The following AUTS2 variants were observed in gnomAD, a reference collection of about 807,000 sequenced individuals.
AUTS2 encodes autism susceptibility gene 2 protein.
AUTS2 carries 17 observed loss-of-function variants against 112.4 expected under a neutral mutation model. The observed-to-expected ratio is 0.15, with a 90% CI of 0.10 to 0.23. The LOEUF is 0.23. Among genes scored for constraint, AUTS2 ranks in the 10% least tolerant of loss-of-function variants. The probability of loss-of-function intolerance (pLI) is 1.00; values close to 1 mark genes in which losing one functional copy is unlikely to be tolerated. For missense variants in AUTS2, 1,510 were observed against 1,701.6 expected (o/e 0.89, Z 1.98); for synonymous variants, 751 against 702.7 (o/e 1.07, Z -1.09).
chr7:70,303,434 G>GCGCGCACACA (rs1241517255), intron 4 of AUTS2, among the ~76,000 whole-genome samples: 189 of 142,042 alleles, frequency 1.3e-3, no homozygotes, highest in Middle Eastern at 7.2e-3. Context: ...GCGCGCGCGC[G>GCGCGCACACA]CACATACACA....
At chr7:70,267,924 C>T (rs531155539) in intron 4 of AUTS2, among the ~76,000 whole-genome samples, 3 of 152,292 alleles carry the variant, frequency 2.0e-5, no homozygotes, top group South Asian at 4.1e-4. Context: ...TGCTTAAACC[C>T]AGACTTATTG....
At chr7:70,486,588 AAAAAC>A (rs1410595919) in intron 5 of AUTS2, among the ~76,000 whole-genome samples, 3 of 152,018 alleles carry the variant, frequency 2.0e-5, no homozygotes, top group Admixed American at 6.6e-5. Context: ...AACAAAAAAC[AAAAAC>A]AAAACAAAAC....
rs188388682 is a variant in AUTS2, at chr7:69,680,239, A to G, written c.309+80277A>G. 8.5e-5 allele frequency among the ~76,000 whole-genome samples: 13 copies of G among 152,350 alleles called. 1 individual carries two copies. The Middle Eastern group carries it at 0.01, about 120-fold the overall frequency. On this transcript the variant is annotated intron_variant, in intron 1 of 18. Transcript: ENST00000342771. ...TTGATTCATTTATGAATACTTAAGT[A>G]TGGTTACATAGGTAGGGATTGTCAG...
chr7:70,429,202 C>CA (rs1242078045), intron 4 of AUTS2, among the ~76,000 whole-genome samples: 1 of 152,172 alleles, frequency 6.6e-6, no homozygotes, highest in Non-Finnish European at 1.5e-5. Flanking sequence ...ACAGTTTGAA[C>CA]AATACTCAAG....
chr7:70,769,815 T>A (rs1284441612), intron 10 of AUTS2, among the ~76,000 whole-genome samples: 1 of 152,220 alleles, frequency 6.6e-6, no homozygotes, highest in Non-Finnish European at 1.5e-5. Flanking sequence ...AGAATAAGCC[T>A]GGAGGCCTGA....
At chr7:70,351,072 A>G (rs1325383505) in intron 4 of AUTS2, among the ~76,000 whole-genome samples, 1 of 134,084 alleles carries the variant, frequency 7.5e-6, no homozygotes. Context: ...TTTTTTTTAG[A>G]TGGAGTCTCG....
In AUTS2 at chr7:69,673,691, G is replaced by T. The variant is rs563402128; in HGVS notation, c.309+73729G>T. Among the ~76,000 whole-genome samples the T allele has an allele frequency of 2.2e-4, 34 of 152,326 alleles. No individual in the cohort carries two copies. The South Asian group carries it at 7.0e-3, about 32-fold the overall frequency. Reference sequence around the variant, plus strand: ...CAATAGTCTGAATTCCTTATTGGTAGAAAGGTCTTATAATTATGGGGTAAC... The same window carrying T: ...CAATAGTCTGAATTCCTTATTGGTATAAAGGTCTTATAATTATGGGGTAAC... On this transcript the variant is annotated intron_variant, in intron 1 of 18. Coordinates refer to ENST00000342771, the MANE Select transcript of AUTS2 (RefSeq NM_015570.4).
chr7:70,015,710 T>G (rs1214473855), intron 2 of AUTS2, among the ~76,000 whole-genome samples: 1 of 152,210 alleles, frequency 6.6e-6, no homozygotes. Flanking sequence ...CTGTATCTCC[T>G]TTTAAGAAAA....
chr7:70,092,848 C>T (rs532477908), intron 2 of AUTS2, among the ~76,000 whole-genome samples: 3 of 152,246 alleles, frequency 2.0e-5, no homozygotes, highest in African/African-American at 2.4e-5. Context: ...GAGCACCACT[C>T]GCGGGGCCCC....
chr7:69,602,898 T>C (rs1040797955), intron 1 of AUTS2, among the ~76,000 whole-genome samples: 1 of 152,240 alleles, frequency 6.6e-6, no homozygotes, highest in Non-Finnish European at 1.5e-5. Context: ...TGTTAGTGAT[T>C]GTTAAATTAA....
At chr7:69,804,839 A>G (rs942029249) in intron 1 of AUTS2, among the ~76,000 whole-genome samples, 1 of 152,216 alleles carries the variant, frequency 6.6e-6, no homozygotes, top group Non-Finnish European at 1.5e-5. Context: ...CTTGTTTGCA[A>G]TGCAGATTTC....
intron 6 of AUTS2, among the ~76,000 whole-genome samples, chr7:70,704,964 C>T (rs560921918): frequency 6.6e-6 from 1 of 152,206 alleles, no homozygotes; most frequent in South Asian, 2.1e-4. Context: ...CAACTGTTAG[C>T]TTTGTACCTA....
At chr7:70,640,786 G>A (rs186331788) in intron 5 of AUTS2, among the ~76,000 whole-genome samples, 1 of 152,310 alleles carries the variant, frequency 6.6e-6, no homozygotes, top group East Asian at 1.9e-4. Flanking sequence ...GTGGGCCGTA[G>A]CACTGCTACC....
chr7:70,746,053 G>A (rs373566013), intron 6 of AUTS2, among the ~76,000 whole-genome samples: 4 of 152,188 alleles, frequency 2.6e-5, no homozygotes, highest in Admixed American at 1.3e-4. Flanking sequence ...GGAAGGCATC[G>A]TGTGCAGAAT....
chr7:69,598,547 G>C lies in AUTS2; in HGVS notation c.-1107G>C, dbSNP rs913199718. The C allele has an allele frequency of 5.2e-5, 9 of 172,386 alleles. No homozygotes were observed. In the East Asian group the frequency reaches 5.5e-4, roughly 11 times the overall value. The allele number at this position is 172,386 out of a possible 1,614,324, so 10.7% of individuals were successfully genotyped here. On this transcript the variant is annotated 5_prime_UTR_variant, in exon 1 of 19. Transcript: ENST00000342771. ...TCCGGCTCGGGGCTTTCTCGGCGGC[G>C]GCGGCGGCAGCAGCAGCAGCGTTAG...
chr7:70,790,154 G>A lies in AUTS2; in HGVS notation c.2938G>A (p.Val980Ile), dbSNP rs772657089. 1 of 1,611,712 alleles carries A rather than the reference G, an allele frequency of 6.2e-7. No individual in the cohort carries two copies. Among genetic ancestry groups the A allele is most frequent in the Admixed American group, 1.7e-5 (1 of 59,906 alleles). Residue 980 changes from valine (V) to isoleucine (I), a missense_variant, in exon 19 of 19, where the codon GTC becomes ATC. Physicochemically the swap from Val to Ile is conservative, Grantham distance 29. Around this residue, in one of 3 missense-constraint regions of AUTS2, gnomAD observed 788 missense variants for 797.6 expected, o/e 0.99. Transcript: ENST00000342771. This position sits in a 1 kb window ranked among gnomAD's most constrained non-coding sequence, Gnocchi z 7.6. The stretch of plus-strand genomic sequence containing the variant: ...CGAGAACCCCAAGAAGAGCTCCGAG[G>A]TCAAGGTGAAGGAGGAGCGGAAGGA... ...AYENPKKSSE[V>I]KVKEERKEDH...
intron 2 of AUTS2, among the ~76,000 whole-genome samples, chr7:70,023,508 G>C (rs983328137): frequency 2.0e-5 from 3 of 152,138 alleles, no homozygotes; most frequent in African/African-American, 7.2e-5. Flanking sequence ...AGGTGACTCT[G>C]TAAGTTTTTC....
chr7:70,451,778 TTAGTGATGA>T (rs567370183), intron 5 of AUTS2, among the ~76,000 whole-genome samples: 1 of 152,160 alleles, frequency 6.6e-6, no homozygotes, highest in Non-Finnish European at 1.5e-5. Context: ...CACAGTATCC[TTAGTGATGA>T]TATTTTAACA....
intron 1 of AUTS2, among the ~76,000 whole-genome samples, chr7:69,798,283 CAT>C (rs1293309761): frequency 2.0e-5 from 3 of 152,124 alleles, no homozygotes; most frequent in African/African-American, 7.2e-5. Flanking sequence ...TCATTTTACA[CAT>C]GAGAAAGATG....
Sources: gnomAD v4.1 joint callset for allele counts (sites outside exome capture counted in the v4.1 genomes callset) on GRCh38, gnomAD v4.1.1 for gene constraint, gnomAD v4.1.1 regional missense constraint, Gnocchi (gnomAD v3.1) non-coding constraint, MANE v1.5 for transcripts, NCBI Gene and HGNC (gene_info 2026-07-23, HGNC 2026-07-21) for gene names.